The following BTF3L4 variants were observed in gnomAD, a reference collection of about 807,000 sequenced individuals.
BTF3L4 encodes basic transcription factor 3 like 4, also known as transcription factor BTF3 homolog 4.
BTF3L4 carries 6 observed loss-of-function variants against 16.8 expected under a neutral mutation model. That is an observed-to-expected ratio of 0.36 (90% CI 0.20 to 0.71). The LOEUF (loss-of-function observed/expected upper bound fraction) is 0.71, where lower values mean the gene tolerates loss of function less well. BTF3L4 is among the 30% of genes least tolerant of loss of function. The pLI, the probability that BTF3L4 is intolerant of heterozygous loss-of-function variation, is 0.58. For missense variants in BTF3L4, 92 were observed against 186.9 expected (o/e 0.49, Z 2.96); for synonymous variants, 39 against 59.8 (o/e 0.65, Z 1.60).
At chr1:52,065,931 G>A (rs533618238) in intron 3 of BTF3L4, among the ~76,000 whole-genome samples, 71 of 152,026 alleles carry the variant, frequency 4.7e-4, no homozygotes, top group African/African-American at 1.5e-3. Flanking sequence ...CCAGCTACTC[G>A]GGAGGCTAAG....
intron 3 of BTF3L4, among the ~76,000 whole-genome samples, chr1:52,071,770 C>T (rs922942688): frequency 7.9e-5 from 12 of 152,226 alleles, no homozygotes; most frequent in Middle Eastern, 6.8e-3. Flanking sequence ...TCCTGCAGTT[C>T]CTTCTTCCTC....
intron 3 of BTF3L4, among the ~76,000 whole-genome samples, chr1:52,079,888 T>C (rs74715017): frequency 2.5e-5 from 3 of 118,470 alleles, no homozygotes; most frequent in Non-Finnish European, 5.5e-5. Flanking sequence ...TTTTTTTTTT[T>C]TGAGACAGGG....
chr1:52,066,923 A>G (rs1293698597), intron 3 of BTF3L4, among the ~76,000 whole-genome samples: 2 of 151,580 alleles, frequency 1.3e-5, no homozygotes, highest in Non-Finnish European at 2.9e-5. Flanking sequence ...CATGTGCTAT[A>G]AAACAAGAAT....
At chr1:52,075,262 T>C (rs1281240178) in intron 3 of BTF3L4, among the ~76,000 whole-genome samples, 1 of 151,760 alleles carries the variant, frequency 6.6e-6, no homozygotes, top group East Asian at 1.9e-4. Context: ...TATATAAATA[T>C]ATCTCTCTGG....
chr1:52,062,122 G>A (rs1236032124), intron 2 of BTF3L4, among the ~76,000 whole-genome samples: 1 of 148,768 alleles, frequency 6.7e-6, no homozygotes, highest in African/African-American at 2.5e-5. Context: ...ATTTTTTTCA[G>A]TAGACACAGA....
intron 3 of BTF3L4, among the ~76,000 whole-genome samples, chr1:52,075,616 GTAAA>G (rs1415228654): frequency 2.1e-5 from 3 of 146,316 alleles, no homozygotes; most frequent in South Asian, 4.2e-4. Flanking sequence ...TATATTATAT[GTAAA>G]TAAATATTTT....
intron 2 of BTF3L4, among the ~76,000 whole-genome samples, chr1:52,063,386 T>C (rs1017302788): frequency 6.6e-6 from 1 of 152,180 alleles, no homozygotes; most frequent in African/African-American, 2.4e-5. Flanking sequence ...GCTTCACAAA[T>C]GAGTGCCTAT....
In BTF3L4 at chr1:52,087,856, G is replaced by A. The variant is rs2124451997; in HGVS notation, c.*1098G>A. The stretch of plus-strand genomic sequence containing the variant: ...TATGAAATGGTACTGGCCCTAGGAG[G>A]ATTTCCTCAACCACTCTCCTACTCT... On this transcript the variant is annotated 3_prime_UTR_variant, in exon 6 of 6. Transcript: ENST00000313334. 1 of 152,648 alleles carries A rather than the reference G, an allele frequency of 6.6e-6. No homozygotes were observed. The highest frequency in any genetic ancestry group is 2.1e-4 in the South Asian group (1 of 4,820). The allele number at this position is 152,648 out of a possible 1,614,324, so 9.5% of individuals were successfully genotyped here. A position where few individuals can be genotyped will look rare whatever the true frequency, so the allele number is the denominator to read the frequency against.
chr1:52,060,378 AG>A, intron 2 of BTF3L4: 1 of 942,360 alleles, frequency 1.1e-6, no homozygotes. Context: ...ACTTGTACAG[AG>A]GTTTAGCTGG....
At position 52,089,642 on chromosome 1, in the gene BTF3L4, T is replaced by A. The variant is rs1644001957; in HGVS notation, c.*2884T>A. On this transcript the variant is annotated 3_prime_UTR_variant, in exon 6 of 6. Coordinates refer to ENST00000313334, the MANE Select transcript of BTF3L4 (RefSeq NM_152265.5). ...TAAAATTTTGGGATAATTCAAGAAA[T>A]GTCTGCAGAAAATTGATTTATGATC... The A allele has an allele frequency of 6.6e-6, 1 of 152,166 alleles. No individual in the cohort carries two copies. Among genetic ancestry groups the A allele is most frequent in the Non-Finnish European group, 1.5e-5 (1 of 68,018 alleles). The allele number at this position is 152,166 out of a possible 1,614,324, so 9.4% of individuals were successfully genotyped here. A position where few individuals can be genotyped will look rare whatever the true frequency, so the allele number is the denominator to read the frequency against.
At chr1:52,073,580 C>G (rs975462218) in intron 3 of BTF3L4, among the ~76,000 whole-genome samples, 1 of 143,704 alleles carries the variant, frequency 7.0e-6, no homozygotes, top group Non-Finnish European at 1.5e-5. Context: ...TTGGCAGGTG[C>G]AATGACTCAT....
chr1:52,066,123 A>G (rs538690433), intron 3 of BTF3L4, among the ~76,000 whole-genome samples: 2 of 152,312 alleles, frequency 1.3e-5, no homozygotes, highest in South Asian at 4.1e-4. Context: ...GTTATTCCAG[A>G]AGATACTTAA....
chr1:52,086,491 C>G, intron 5 of BTF3L4: 1 of 481,996 alleles, frequency 2.1e-6, no homozygotes, highest in South Asian at 4.0e-5. Flanking sequence ...CAGTAATTTG[C>G]ATAGACAAAA....
At chr1:52,070,171 C>T (rs1314266125) in intron 3 of BTF3L4, among the ~76,000 whole-genome samples, 2 of 150,188 alleles carry the variant, frequency 1.3e-5, no homozygotes, top group South Asian at 4.2e-4. Context: ...GAGCTGAAAT[C>T]GTGCCATTGC....
chr1:52,080,786 G>A (rs370710542), intron 3 of BTF3L4, among the ~76,000 whole-genome samples: 41 of 150,556 alleles, frequency 2.7e-4, no homozygotes, highest in African/African-American at 8.3e-4. Flanking sequence ...CACCAGCCTC[G>A]GCCTCCCAGA....
At chr1:52,071,931 C>CTGTGTGTGTG (rs59491944) in intron 3 of BTF3L4, among the ~76,000 whole-genome samples, 98 of 127,966 alleles carry the variant, frequency 7.7e-4, no homozygotes, top group Middle Eastern at 4.0e-3. Flanking sequence ...GTTTTTTACT[C>CTGTGTGTGTG]TGTGTGTGTG....
At chr1:52,083,203 C>T (rs564581518) in intron 3 of BTF3L4, 137 bp from the exon 4 acceptor site, 34 of 669,032 alleles carry the variant, frequency 5.1e-5, no homozygotes, top group South Asian at 1.2e-4. Flanking sequence ...CACGAATGTC[C>T]GTTGCTTGGC....
intron 3 of BTF3L4, among the ~76,000 whole-genome samples, chr1:52,066,114 T>C (rs1292756473): frequency 6.6e-6 from 1 of 152,206 alleles, no homozygotes; most frequent in African/African-American, 2.4e-5. Context: ...AAGATTAATG[T>C]TATTCCAGAA....
At chr1:52,071,382 TATA>T (rs1686782911) in intron 3 of BTF3L4, 1 of 152,282 alleles carries the variant, frequency 6.6e-6, no homozygotes, top group Non-Finnish European at 1.5e-5. Flanking sequence ...GTTGCTCTTC[TATA>T]ATATGTTTTT....
Sources: gnomAD v4.1 joint callset for allele counts (sites outside exome capture counted in the v4.1 genomes callset) on GRCh38, gnomAD v4.1.1 for gene constraint, MANE v1.5 for transcripts, NCBI Gene and HGNC (gene_info 2026-07-23, HGNC 2026-07-21) for gene names.